Variants in WIPF3 observed in about 807,000 individuals in gnomAD.
WIPF3 encodes WAS/WASL-interacting protein family member 3.
In WIPF3, 33 loss-of-function variants were observed where a neutral mutation model predicts 38.9. The observed-to-expected ratio is 0.85, with a 90% CI of 0.64 to 1.14. The LOEUF is 1.14. Among genes scored for constraint, WIPF3 ranks in the 50% most tolerant of loss-of-function variants. WIPF3 has a pLI of 0.00. For missense variants in WIPF3, 711 were observed against 652.5 expected, an observed-to-expected ratio of 1.09 and a Z score of -0.98; for synonymous variants, 324 against 269.3, an observed-to-expected ratio of 1.20 and a Z score of -1.99.
intron 7 of WIPF3, among the ~76,000 whole-genome samples, chr7:29,903,685 T>A (rs79778720): frequency 8.1e-6 from 1 of 124,126 alleles, no homozygotes; most frequent in Non-Finnish European, 1.8e-5. Context: ...GATGTATGTA[T>A]GGAAATACCA....
chr7:29,907,224 T>C (rs1164994590), intron 8 of WIPF3, among the ~76,000 whole-genome samples: 2 of 152,218 alleles, frequency 1.3e-5, no homozygotes, highest in African/African-American at 4.8e-5. Context: ...AAGCTAGTGT[T>C]ATTGTAACTT....
chr7:29,911,517 A>G (rs960743182), intron 8 of WIPF3, among the ~76,000 whole-genome samples: 4 of 152,140 alleles, frequency 2.6e-5, no homozygotes, highest in Non-Finnish European at 5.9e-5. Flanking sequence ...CACACTTCCT[A>G]TTTCAAAACT....
chr7:29,853,451 C>T (rs895173576), intron 2 of WIPF3, among the ~76,000 whole-genome samples: 2 of 152,232 alleles, frequency 1.3e-5, no homozygotes, highest in Non-Finnish European at 2.9e-5. Context: ...TGCTCAGAGT[C>T]CACAGGACTC....
At chr7:29,897,925 A>G (rs562785478) in intron 7 of WIPF3, among the ~76,000 whole-genome samples, 9 of 152,306 alleles carry the variant, frequency 5.9e-5, no homozygotes, top group African/African-American at 2.2e-4. Context: ...CTTTGAACCC[A>G]TGAAGGTACT....
chr7:29,870,199 G>A (rs76447098), intron 2 of WIPF3, among the ~76,000 whole-genome samples: 1 of 152,136 alleles, frequency 6.6e-6, no homozygotes, highest in South Asian at 2.1e-4. Flanking sequence ...CTCAAGGAGT[G>A]GAAAGTCTGG....
chr7:29,906,983 A>G (rs931623339), intron 8 of WIPF3, among the ~76,000 whole-genome samples: 1 of 152,226 alleles, frequency 6.6e-6, no homozygotes, highest in African/African-American at 2.4e-5. Flanking sequence ...AAGCTGAGGG[A>G]GTTTGTTACC....
chr7:29,834,800 C>T lies in WIPF3; in HGVS notation c.76C>T (p.Pro26Ser). 1 of 1,539,048 alleles carries T rather than the reference C, an allele frequency of 6.5e-7. No homozygotes were observed. The highest frequency in any genetic ancestry group is 8.8e-7 in the Non-Finnish European group (1 of 1,140,282). ...PPLGAPPPPP[P>S]SAPPVSTDTS... ...TCTGGGGGCTCCTCCCCCTCCCCCA[C>T]CATCAGCACCCCCGGTAAGACCTTT... The change falls in exon 2 of 9, where the codon CCA (proline) becomes TCA (serine). Residue 26 changes from proline to serine, a missense_variant. Pro to Ser is a moderately conservative substitution (Grantham distance 74, BLOSUM62 -1). Transcript: ENST00000242140.
intron 1 of WIPF3, among the ~76,000 whole-genome samples, chr7:29,814,925 G>A (rs529396533): frequency 1.3e-5 from 2 of 152,210 alleles, no homozygotes; most frequent in East Asian, 3.9e-4. Context: ...AGTTATTACC[G>A]CCCTATTAGA....
chr7:29,836,233 A>G (rs1162928880), intron 2 of WIPF3, among the ~76,000 whole-genome samples: 2 of 152,248 alleles, frequency 1.3e-5, no homozygotes, highest in Non-Finnish European at 2.9e-5. Context: ...TTTGTAAGTA[A>G]ACACACATGA....
At position 29,875,895 on chromosome 7, in the gene WIPF3, T is replaced by C. The variant is rs1224471706; in HGVS notation, c.156T>C (p.Asp52=). 1 of 1,614,108 alleles carries C rather than the reference T, an allele frequency of 6.2e-7. No homozygotes were observed. Among genetic ancestry groups the C allele is most frequent in the Admixed American group, 1.7e-5 (1 of 60,036 alleles). The change falls in exon 3 of 9, where the codon GAT becomes GAC. Residue 52 remains aspartate (D), a synonymous_variant. Transcript: ENST00000242140. ...AAGGCCGGAGTGCGCTGTTGGCTGA[T>C]ATCCAGCAAGGAACTCGCCTGCGCA... ...DPKGRSALLA[D]IQQGTRLRKV...
At position 29,844,193 on chromosome 7, in the gene WIPF3, G is replaced by A. The variant is rs1302238721; in HGVS notation, c.90+9379G>A. Among the ~76,000 whole-genome samples, 1 of 152,188 alleles carries A rather than the reference G, an allele frequency of 6.6e-6. No homozygotes were observed. The highest frequency in any genetic ancestry group is 1.9e-4 in the East Asian group (1 of 5,184). On this transcript the variant is annotated intron_variant, in intron 2 of 8. Transcript: ENST00000242140. This position sits in a 1 kb window ranked among gnomAD's most constrained non-coding sequence, Gnocchi z 4.8. ...AAACGTGTCATCACTGGGTATCTGG[G>A]GTGGAAAAGGGTTGGGTGATTTTTA...
At chr7:29,866,380 T>C (rs1037738926) in intron 2 of WIPF3, among the ~76,000 whole-genome samples, 2 of 152,036 alleles carry the variant, frequency 1.3e-5, no homozygotes, top group Non-Finnish European at 2.9e-5. Context: ...CTGCAGCCAA[T>C]AGGGAGACAA....
intron 1 of WIPF3, among the ~76,000 whole-genome samples, chr7:29,829,832 C>T (rs187068616): frequency 0.011 from 1,667 of 152,290 alleles, 14 homozygotes; most frequent in Non-Finnish European, 0.018. Context: ...CCTCACCACC[C>T]TCTAATGGTG....
chr7:29,873,893 C>T (rs895094933), intron 2 of WIPF3, among the ~76,000 whole-genome samples: 1 of 152,218 alleles, frequency 6.6e-6, no homozygotes, highest in African/African-American at 2.4e-5. Flanking sequence ...TAGTCTGTGA[C>T]ACCAGAGAGC....
At chr7:29,904,130 G>GAC (rs967756242) in intron 7 of WIPF3, among the ~76,000 whole-genome samples, 156 bp from the exon 8 acceptor site, 10 of 152,128 alleles carry the variant, frequency 6.6e-5, no homozygotes, top group African/African-American at 2.4e-4. Context: ...CATGGTCTTT[G>GAC]ACATAGAAGA....
At chr7:29,828,081 G>A (rs142172962) in intron 1 of WIPF3, among the ~76,000 whole-genome samples, 80 of 152,278 alleles carry the variant, frequency 5.3e-4, no homozygotes, top group South Asian at 3.3e-3. Context: ...TTACAGGTAT[G>A]AGCCACTGCA....
chr7:29,876,236 CATAAT>C (rs748805945), intron 3 of WIPF3, among the ~76,000 whole-genome samples: 5 of 152,242 alleles, frequency 3.3e-5, no homozygotes, highest in African/African-American at 7.2e-5. Context: ...ATAAAATACA[CATAAT>C]ATAAAATTCA....
intron 1 of WIPF3, among the ~76,000 whole-genome samples, chr7:29,809,626 G>A (rs768476718): frequency 1.3e-5 from 2 of 152,234 alleles, no homozygotes; most frequent in East Asian, 1.9e-4. Context: ...GGCAGCACAC[G>A]TGTTTTCTCA....
At chr7:29,850,592 C>T (rs1037155834) in intron 2 of WIPF3, among the ~76,000 whole-genome samples, 7 of 152,310 alleles carry the variant, frequency 4.6e-5, no homozygotes, top group East Asian at 1.9e-4. Context: ...CATGGGTACC[C>T]GGGGACTTCT....
Sources: gnomAD v4.1 joint callset for allele counts (sites outside exome capture counted in the v4.1 genomes callset) on GRCh38, gnomAD v4.1.1 for gene constraint, Gnocchi (gnomAD v3.1) non-coding constraint, MANE v1.5 for transcripts, NCBI Gene and HGNC (gene_info 2026-07-23, HGNC 2026-07-21) for gene names.